TLK2: variants seen among roughly 807,000 people sequenced by gnomAD.
The protein encoded by TLK2 is serine/threonine-protein kinase tousled-like 2.
Under a neutral mutation model 117.3 loss-of-function variants are expected in TLK2, and 6 were observed. The observed-to-expected ratio is 0.05, with a 90% CI of 0.03 to 0.10. The LOEUF (loss-of-function observed/expected upper bound fraction) is 0.10, where lower values mean the gene tolerates loss of function less well. Among genes scored for constraint, TLK2 ranks in the 10% least tolerant of loss-of-function variants. The pLI is 1.00. For synonymous variants in TLK2, 257 were observed against 316.7 expected, an observed-to-expected ratio of 0.81 and a Z score of 2.00; for missense variants, 299 against 901.2, an observed-to-expected ratio of 0.33 and a Z score of 8.56.
chr17:62,595,932 G>A (rs1028011341), intron 16 of TLK2, among the ~76,000 whole-genome samples: 1 of 152,026 alleles, frequency 6.6e-6, no homozygotes, highest in Non-Finnish European at 1.5e-5. Flanking sequence ...TTTAGAGGAG[G>A]GGGGAAAATA....
chr17:62,601,256 A>G (rs1046872165), intron 18 of TLK2, among the ~76,000 whole-genome samples: 6 of 152,054 alleles, frequency 3.9e-5, no homozygotes, highest in Admixed American at 2.6e-4. Context: ...TTGTATGGTT[A>G]TTATCTAGCT....
At chr17:62,540,039 C>G (rs1164197821) in intron 7 of TLK2, among the ~76,000 whole-genome samples, 1 of 151,658 alleles carries the variant, frequency 6.6e-6, no homozygotes, top group Non-Finnish European at 1.5e-5. Flanking sequence ...TCTCCTCCTC[C>G]TCCTCCTCCT....
intron 2 of TLK2, among the ~76,000 whole-genome samples, chr17:62,508,168 G>GGT (rs751965977): frequency 1.6e-5 from 2 of 125,760 alleles, no homozygotes; most frequent in Admixed American, 8.6e-5. Flanking sequence ...AAATTTCCTA[G>GGT]TTTTTTTTTT....
chr17:62,498,469 G>A (rs1032538243), intron 2 of TLK2, among the ~76,000 whole-genome samples: 29 of 149,982 alleles, frequency 1.9e-4, no homozygotes, highest in African/African-American at 6.9e-4. Flanking sequence ...GGGTCACTGC[G>A]ACCTCTGCCT....
intron 2 of TLK2, among the ~76,000 whole-genome samples, chr17:62,514,803 T>G (rs2075438357): frequency 6.6e-6 from 1 of 152,130 alleles, no homozygotes; most frequent in Non-Finnish European, 1.5e-5. Flanking sequence ...TCTCTCAAAC[T>G]CCTGGCCTCA....
intron 2 of TLK2, among the ~76,000 whole-genome samples, chr17:62,518,085 T>A (rs1273608637): frequency 6.6e-6 from 1 of 152,184 alleles, no homozygotes; most frequent in Non-Finnish European, 1.5e-5. Context: ...TTTAGCCCAT[T>A]TATGCTTAGT....
At position 62,536,253 on chromosome 17, in the gene TLK2, C is replaced by T. The variant is rs1276336696; in HGVS notation, c.447C>T (p.Leu149=). Residue 149 remains leucine, a synonymous_variant, in exon 7 of 22, where the codon CTC becomes CTT. Transcript: ENST00000346027. ...ATEEQSALPT[L]MSVMLAKPRL... is the part of the protein sequence containing the mutation. The stretch of plus-strand genomic sequence containing the variant: ...AGGAGCAGTCTGCTCTGCCAACCCT[C>T]ATGTCAGTGATGCTAGCAAAACCTC... 1.9e-6 allele frequency: 3 copies of T among 1,613,504 alleles called. No homozygotes were observed. The South Asian group carries it at 3.3e-5, about 18-fold the overall frequency.
chr17:62,565,815 A>G (rs2079738852), intron 11 of TLK2, among the ~76,000 whole-genome samples: 1 of 152,198 alleles, frequency 6.6e-6, no homozygotes, highest in African/African-American at 2.4e-5. Context: ...CCACAGAAAA[A>G]TGAAATGTGA....
intron 1 of TLK2, among the ~76,000 whole-genome samples, chr17:62,472,582 A>C (rs928139427): frequency 6.6e-6 from 1 of 151,964 alleles, no homozygotes; most frequent in East Asian, 1.9e-4. Context: ...ACTAAAAATA[A>C]AAAAAATTAG....
At chr17:62,530,584 A>G (rs1003574482) in intron 6 of TLK2, among the ~76,000 whole-genome samples, 2 of 152,190 alleles carry the variant, frequency 1.3e-5, no homozygotes, top group African/African-American at 4.8e-5. Context: ...TTACTCTGCT[A>G]CTGATTTGGT....
intron 19 of TLK2, among the ~76,000 whole-genome samples, chr17:62,602,434 A>G (rs555533915): frequency 2.3e-4 from 35 of 152,076 alleles, no homozygotes; most frequent in Non-Finnish European, 5.0e-4. Context: ...GGTATTTGAA[A>G]TGTATGTTTT....
rs988831392 is a variant in TLK2, at chr17:62,488,745, A to G, written c.81+7539A>G. Among the ~76,000 whole-genome samples, 8 of 151,974 alleles carry G rather than the reference A, an allele frequency of 5.3e-5. No individual in the cohort carries two copies. The South Asian group carries it at 8.3e-4, about 16-fold the overall frequency. On this transcript the variant is annotated intron_variant, in intron 2 of 21. Transcript: ENST00000346027. ...TTTATTGGTTACCACAGAAATTACAACAGATATTTTTAACTTATCAAAGGT... is the reference window on the plus strand; with the variant it reads ...TTTATTGGTTACCACAGAAATTACAGCAGATATTTTTAACTTATCAAAGGT...
intron 7 of TLK2, among the ~76,000 whole-genome samples, chr17:62,540,733 A>G (rs1020179026): frequency 1.3e-4 from 19 of 151,940 alleles, no homozygotes; most frequent in African/African-American, 4.6e-4. Context: ...AATTCTCTTC[A>G]CTACTGCCAC....
At chr17:62,481,379 A>C (rs901720313) in intron 2 of TLK2, among the ~76,000 whole-genome samples, 173 bp downstream of exon 2, 1 of 152,202 alleles carries the variant, frequency 6.6e-6, no homozygotes, top group African/African-American at 2.4e-5. Flanking sequence ...CATTTAACAT[A>C]GTAGGTTTGA....
intron 15 of TLK2, chr17:62,585,539 A>G (rs1435862916): frequency 6.6e-6 from 1 of 152,402 alleles, no homozygotes; most frequent in Non-Finnish European, 1.5e-5. Flanking sequence ...CTCCGTCTCA[A>G]AAACAACAAC....
At chr17:62,475,438 G>A (rs1033053255), upstream of TLK2, among the ~76,000 whole-genome samples, 3 of 152,060 alleles carry the variant, frequency 2.0e-5, no homozygotes, top group South Asian at 6.2e-4. Flanking sequence ...CGACTCCCAG[G>A]TTCAAGCGAT....
At chr17:62,471,215 T>G (rs1317907178) in intron 1 of TLK2, 1 of 152,234 alleles carries the variant, frequency 6.6e-6, no homozygotes, top group African/African-American at 2.4e-5. Context: ...GGCTGTGCAG[T>G]CTTCCAGAAG....
intron 20 of TLK2, among the ~76,000 whole-genome samples, chr17:62,606,446 G>A (rs908839808): frequency 6.6e-6 from 1 of 152,196 alleles, no homozygotes; most frequent in Non-Finnish European, 1.5e-5. Flanking sequence ...GGCACCTAAT[G>A]AGTTCTGCGG....
In TLK2 at chr17:62,484,872, C is replaced by T. The variant is rs138850612; in HGVS notation, c.81+3666C>T. ...GAGATCGAGACCATCCTGGCTAACA[C>T]GGTGAAACCCCATCTCTATTAAAAA... On this transcript the variant is annotated intron_variant, in intron 2 of 21. Transcript: ENST00000346027. Among the ~76,000 whole-genome samples, 980 of 151,948 alleles carry T rather than the reference C, an allele frequency of 6.4e-3. 34 individuals are homozygous for T. In the East Asian group the frequency reaches 0.085, roughly 13 times the overall value.
Sources: gnomAD v4.1 joint callset for allele counts (sites outside exome capture counted in the v4.1 genomes callset) on GRCh38, gnomAD v4.1.1 for gene constraint, MANE v1.5 for transcripts, NCBI Gene and HGNC (gene_info 2026-07-23, HGNC 2026-07-21) for gene names.